BANK1: variants seen among roughly 807,000 people sequenced by gnomAD.
BANK1 encodes the protein B-cell scaffold protein with ankyrin repeats.
Under a neutral mutation model 94.5 loss-of-function variants are expected in BANK1, and 95 were observed. The observed-to-expected ratio is 1.00, with a 90% confidence interval of 0.85 to 1.19. The LOEUF (loss-of-function observed/expected upper bound fraction) is 1.19. Among genes scored for constraint, BANK1 ranks in the 50% most tolerant of loss-of-function variants. The pLI is 0.00. For synonymous variants in BANK1, 334 were observed against 308.4 expected (o/e 1.08, Z -0.87); for missense variants, 987 against 932.2 (o/e 1.06, Z -0.77).
At chr4:101,845,317 A>G (rs1045303590) in intron 2 of BANK1, among the ~76,000 whole-genome samples, 1 of 152,162 alleles carries the variant, frequency 6.6e-6, no homozygotes, top group African/African-American at 2.4e-5. Context: ...AGATATTTTA[A>G]ATTTACAAGT....
chr4:101,999,771 A>G (rs1169813581), intron 7 of BANK1, among the ~76,000 whole-genome samples: 1 of 152,214 alleles, frequency 6.6e-6, no homozygotes, highest in Non-Finnish European at 1.5e-5. Context: ...GGAGGGGGAA[A>G]GGAGATTTCT....
chr4:101,849,953 G>A (rs919834202), intron 2 of BANK1, among the ~76,000 whole-genome samples: 1 of 152,136 alleles, frequency 6.6e-6, no homozygotes, highest in African/African-American at 2.4e-5. Context: ...TTTTAGAAAA[G>A]TGTTAGAAGA....
intron 7 of BANK1, among the ~76,000 whole-genome samples, chr4:101,991,436 TTTTTG>T (rs1208269547): frequency 6.6e-6 from 1 of 152,226 alleles, no homozygotes; most frequent in African/African-American, 2.4e-5. Context: ...GTTGTTTTTG[TTTTTG>T]TTTTGTTTGT....
intron 3 of BANK1, among the ~76,000 whole-genome samples, chr4:101,856,909 C>G (rs763032069): frequency 6.6e-6 from 1 of 152,090 alleles, no homozygotes; most frequent in Non-Finnish European, 1.5e-5. Flanking sequence ...TCAAAGTAAG[C>G]TAATCATTGG....
intron 5 of BANK1, among the ~76,000 whole-genome samples, chr4:101,887,249 G>C (rs1033101617): frequency 3.9e-5 from 6 of 152,162 alleles, no homozygotes; most frequent in African/African-American, 1.2e-4. Context: ...TCTTGTTTAA[G>C]CCACTATCAC....
At chr4:102,064,852 G>T (rs547698800) in intron 13 of BANK1, among the ~76,000 whole-genome samples, 2 of 152,334 alleles carry the variant, frequency 1.3e-5, no homozygotes, top group Admixed American at 6.5e-5. Flanking sequence ...GCAAAACAAA[G>T]AAGTTCTGTT....
intron 11 of BANK1, among the ~76,000 whole-genome samples, chr4:102,049,205 A>G (rs766110970): frequency 6.6e-6 from 1 of 152,196 alleles, no homozygotes; most frequent in Non-Finnish European, 1.5e-5. Context: ...TCTCTGCCAG[A>G]TAATAAAGTT....
chr4:102,045,926 G>A (rs534044928), intron 11 of BANK1, among the ~76,000 whole-genome samples: 1 of 151,026 alleles, frequency 6.6e-6, no homozygotes, highest in African/African-American at 2.5e-5. Flanking sequence ...TTTCTTCACA[G>A]AATTGGAAAA....
chr4:101,910,451 G>T (rs914267132), intron 6 of BANK1, among the ~76,000 whole-genome samples: 1 of 151,984 alleles, frequency 6.6e-6, no homozygotes, highest in Non-Finnish European at 1.5e-5. Flanking sequence ...GGAGGCCGAG[G>T]CGGGCTGATC....
At chr4:101,909,867 A>G (rs370460682) in intron 6 of BANK1, among the ~76,000 whole-genome samples, 42 of 152,368 alleles carry the variant, frequency 2.8e-4, no homozygotes, top group African/African-American at 1.0e-3. Flanking sequence ...CACTTCTATT[A>G]TAGTCTTTTC....
At chr4:101,847,736 TACACACAC>T (rs35196238) in intron 2 of BANK1, among the ~76,000 whole-genome samples, 145 of 145,870 alleles carry the variant, frequency 9.9e-4, no homozygotes, top group Admixed American at 1.9e-3. Context: ...TATTCCATCA[TACACACAC>T]ACACACACAC....
intron 3 of BANK1, among the ~76,000 whole-genome samples, chr4:101,858,674 G>GA (rs1412412694): frequency 3.9e-5 from 6 of 151,958 alleles, no homozygotes; most frequent in African/African-American, 1.4e-4. Flanking sequence ...AGAGACATTT[G>GA]AAAAACCAGT....
Position 101,991,511 on chromosome 4 carries a change from A to G in BANK1, c.1207-30003A>G, listed in dbSNP as rs73834541. Among the ~76,000 whole-genome samples the G allele has an allele frequency of 5.7e-3, 863 of 152,308 alleles. 13 individuals carry two copies. The East Asian group carries it at 0.057, about 10-fold the overall frequency. On this transcript the variant is annotated intron_variant, in intron 7 of 16. Transcript: ENST00000322953. Reference sequence around the variant, plus strand: ...AAGGGTTAAAAAGATATAGAGATAAAGTTGAAAATGTCTTCTACATTCCAC... The same window carrying G: ...AAGGGTTAAAAAGATATAGAGATAAGGTTGAAAATGTCTTCTACATTCCAC...
intron 3 of BANK1, among the ~76,000 whole-genome samples, chr4:101,861,386 A>T (rs1277529823): frequency 6.6e-6 from 1 of 152,198 alleles, no homozygotes; most frequent in African/African-American, 2.4e-5. Context: ...TTTGAGAAAC[A>T]TGATTTTATA....
intron 7 of BANK1, among the ~76,000 whole-genome samples, chr4:101,976,086 G>A (rs1041698031): frequency 2.0e-5 from 3 of 152,102 alleles, no homozygotes; most frequent in South Asian, 2.1e-4. Flanking sequence ...ATAAACTAGC[G>A]CTGAAAGGCA....
At chr4:101,811,939 A>G (rs1193134971) in intron 1 of BANK1, among the ~76,000 whole-genome samples, 1 of 152,054 alleles carries the variant, frequency 6.6e-6, no homozygotes, top group Non-Finnish European at 1.5e-5. Flanking sequence ...GGGCTTTATA[A>G]TCTTTTATCT....
chr4:101,839,959 T>A (rs1434392827), intron 2 of BANK1, among the ~76,000 whole-genome samples: 883 of 65,072 alleles, frequency 0.014, 53 homozygotes, highest in African/African-American at 0.049. Flanking sequence ...TTTTTTTTTT[T>A]TTTTTTTTTT....
chr4:102,066,856 A>G (rs1227718563), intron 13 of BANK1, among the ~76,000 whole-genome samples: 1 of 152,208 alleles, frequency 6.6e-6, no homozygotes, highest in Admixed American at 6.5e-5. Context: ...TAAAGCAAAA[A>G]TAATGAAACT....
intron 7 of BANK1, among the ~76,000 whole-genome samples, chr4:101,937,769 A>G (rs568695611): frequency 1.3e-5 from 2 of 151,916 alleles, no homozygotes; most frequent in Non-Finnish European, 2.9e-5. Flanking sequence ...AAATCATTCT[A>G]CTATGAAGAC....
Sources: allele counts gnomAD v4.1 joint callset (sites outside exome capture counted in the v4.1 genomes callset), GRCh38; gene constraint gnomAD v4.1.1; transcripts MANE v1.5; gene names NCBI Gene and HGNC (gene_info 2026-07-23, HGNC 2026-07-21).